Variants in DLGAP2 observed in about 807,000 individuals in gnomAD.
DLGAP2 encodes the protein DLG associated protein 2.
DLGAP2 carries 26 observed loss-of-function variants against 100.3 expected under a neutral mutation model. The ratio of observed to expected loss-of-function variants is 0.26; its 90% CI spans 0.19 to 0.36. The LOEUF (loss-of-function observed/expected upper bound fraction) is 0.36, where lower values mean the gene tolerates loss of function less well. Among genes scored for constraint, DLGAP2 ranks in the 10% least tolerant of loss-of-function variants. The pLI is 1.00. For missense variants in DLGAP2, 1,858 were observed against 1,453.2 expected, an observed-to-expected ratio of 1.28 and a Z score of -4.53; for synonymous variants, 886 against 630.1, an observed-to-expected ratio of 1.41 and a Z score of -6.08.
chr8:1,110,886 G>A (rs563569685), intron 2 of DLGAP2, among the ~76,000 whole-genome samples: 1 of 152,046 alleles, frequency 6.6e-6, no homozygotes, highest in Non-Finnish European at 1.5e-5. Flanking sequence ...ACCCCTGTCT[G>A]TGGGGCCCTT....
At chr8:1,122,864 G>A (rs1796082085) in intron 2 of DLGAP2, among the ~76,000 whole-genome samples, 1 of 151,812 alleles carries the variant, frequency 6.6e-6, no homozygotes, top group Admixed American at 6.6e-5. Flanking sequence ...GTATTTGATG[G>A]TGAAGATTTG....
At chr8:1,471,451 C>T (rs1311428812) in intron 3 of DLGAP2, among the ~76,000 whole-genome samples, 1 of 151,964 alleles carries the variant, frequency 6.6e-6, no homozygotes, top group Non-Finnish European at 1.5e-5. Context: ...GCCTGTGACG[C>T]AGGACATCCC....
At position 1,431,365 on chromosome 8, in the gene DLGAP2, CCTT is replaced by C. The variant is rs1252209171; in HGVS notation, c.107-70000_107-69998del. Among the ~76,000 whole-genome samples, 3 of 152,326 alleles carry C rather than the reference CCTT, an allele frequency of 2.0e-5. No homozygotes were observed. The East Asian group carries it at 5.8e-4, about 29-fold the overall frequency. On this transcript the variant is annotated intron_variant, in intron 3 of 14. Transcript: ENST00000637795. ...TATTCATCTGTTCATTCATTGTGCT[CCTT>C]GACTGCACGTCTGATCCATGCTGAC...
chr8:1,183,210 C>G (rs78874219), intron 2 of DLGAP2, among the ~76,000 whole-genome samples: 1 of 151,868 alleles, frequency 6.6e-6, no homozygotes, highest in African/African-American at 2.4e-5. Flanking sequence ...CGTCTCGGAG[C>G]GGGGTCCTGG....
chr8:822,858 C>T (rs1796609377), intron 1 of DLGAP2, among the ~76,000 whole-genome samples: 1 of 152,176 alleles, frequency 6.6e-6, no homozygotes, highest in African/African-American at 2.4e-5. Context: ...GAGGGCCATG[C>T]CCACCTCCTG....
At chr8:1,340,820 C>G (rs191177272) in intron 3 of DLGAP2, among the ~76,000 whole-genome samples, 1 of 152,068 alleles carries the variant, frequency 6.6e-6, no homozygotes, top group Non-Finnish European at 1.5e-5. Context: ...ATAGCAGAGA[C>G]GTGGAATCAA....
chr8:1,500,325 C>T (rs1018602747), intron 3 of DLGAP2, among the ~76,000 whole-genome samples: 65 of 152,282 alleles, frequency 4.3e-4, no homozygotes, highest in African/African-American at 1.5e-3. Context: ...GCCTCTGCAG[C>T]CAGGTAGAAA....
chr8:1,537,024 C>A (rs7829532), intron 4 of DLGAP2, among the ~76,000 whole-genome samples: 82,395 of 151,540 alleles, frequency 0.54, 22,903 homozygotes, highest in South Asian at 0.71. Flanking sequence ...CTTCACACCT[C>A]GGAGAAGTAG....
chr8:1,316,557 G>T (rs1420315278), intron 3 of DLGAP2, among the ~76,000 whole-genome samples: 1 of 134,548 alleles, frequency 7.4e-6, no homozygotes, highest in Non-Finnish European at 1.6e-5. Flanking sequence ...GGCTGTGCGA[G>T]TGCAGCGTCT....
chr8:1,431,485 G>C (rs1046419995), intron 3 of DLGAP2, among the ~76,000 whole-genome samples: 9 of 152,216 alleles, frequency 5.9e-5, no homozygotes, highest in Admixed American at 2.0e-4. Flanking sequence ...CATAGAAACA[G>C]CAGCAGAAAG....
At chr8:1,321,641 T>C (rs1004906644) in intron 3 of DLGAP2, among the ~76,000 whole-genome samples, 1 of 152,238 alleles carries the variant, frequency 6.6e-6, no homozygotes, top group Non-Finnish European at 1.5e-5. Context: ...CCTTTAGTAT[T>C]AGAAAGGAAT....
chr8:1,534,748 GTGTT>G (rs1420259745), intron 4 of DLGAP2, among the ~76,000 whole-genome samples: 4 of 151,238 alleles, frequency 2.6e-5, no homozygotes, highest in Non-Finnish European at 5.9e-5. Flanking sequence ...AAGGCTGTGT[GTGTT>G]TGTGTGTGCA....
intron 3 of DLGAP2, among the ~76,000 whole-genome samples, chr8:1,436,192 G>A (rs1797620893): frequency 6.6e-6 from 1 of 152,194 alleles, no homozygotes; most frequent in African/African-American, 2.4e-5. Flanking sequence ...GCCAGTCCGA[G>A]GCCCAAAACC....
chr8:1,135,742 G>A (rs1046387164), intron 2 of DLGAP2, among the ~76,000 whole-genome samples: 1 of 152,116 alleles, frequency 6.6e-6, no homozygotes, highest in Non-Finnish European at 1.5e-5. Flanking sequence ...TAAGCTTACC[G>A]ATGCAGAGGA....
chr8:841,720 G>A (rs541488817), intron 1 of DLGAP2, among the ~76,000 whole-genome samples: 5 of 152,150 alleles, frequency 3.3e-5, no homozygotes, highest in East Asian at 3.9e-4. Context: ...AGCTGGGACC[G>A]CAGGTGCCGC....
At chr8:1,343,709 G>A (rs1034253703) in intron 3 of DLGAP2, among the ~76,000 whole-genome samples, 5 of 127,380 alleles carry the variant, frequency 3.9e-5, no homozygotes, top group Admixed American at 8.9e-5. Flanking sequence ...CTGGGGGGTC[G>A]TGGGGGGTGT....
At chr8:1,258,097 C>A (rs1438689530) in intron 2 of DLGAP2, among the ~76,000 whole-genome samples, 1 of 152,198 alleles carries the variant, frequency 6.6e-6, no homozygotes, top group Non-Finnish European at 1.5e-5. Flanking sequence ...AGTTCATAGT[C>A]ACTCAGGGAC....
chr8:1,017,995 CTATT>C (rs904641096), intron 2 of DLGAP2, among the ~76,000 whole-genome samples: 7 of 152,198 alleles, frequency 4.6e-5, no homozygotes, highest in Admixed American at 4.6e-4. Flanking sequence ...ACAACCTGAA[CTATT>C]CCCACCCCAT....
chr8:1,626,506 C>T (rs1413811175), intron 6 of DLGAP2, among the ~76,000 whole-genome samples: 6 of 123,102 alleles, frequency 4.9e-5, no homozygotes, highest in Non-Finnish European at 6.9e-5. Context: ...GTTGGACGGT[C>T]GTTCCCATCT....
Sources: gnomAD v4.1 joint callset for allele counts (sites outside exome capture counted in the v4.1 genomes callset) on GRCh38, gnomAD v4.1.1 for gene constraint, MANE v1.5 for transcripts, NCBI Gene and HGNC (gene_info 2026-07-23, HGNC 2026-07-21) for gene names.